Variants in FDPS observed in about 807,000 individuals in gnomAD.
The protein encoded by FDPS is farnesyl pyrophosphate synthase.
In FDPS, 29 loss-of-function variants were observed where a neutral mutation model predicts 49.5. The ratio of observed to expected loss-of-function variants is 0.59; its 90% confidence interval spans 0.44 to 0.80. The LOEUF (loss-of-function observed/expected upper bound fraction) is 0.80, where lower values mean the gene tolerates loss of function less well. Among genes scored for constraint, FDPS ranks in the 30% least tolerant of loss-of-function variants. FDPS has a pLI of 0.00. For synonymous variants in FDPS, 172 were observed against 206.4 expected (o/e 0.83, Z 1.43); for missense variants, 414 against 525.6 (o/e 0.79, Z 2.08).
chr1:155,313,378 G>T (rs961633311), intron 4 of FDPS, among the ~76,000 whole-genome samples: 1 of 152,222 alleles, frequency 6.6e-6, no homozygotes, highest in African/African-American at 2.4e-5. Flanking sequence ...TCTGGGAGGG[G>T]TGCCATGCCC....
chr1:155,315,912 G>GT (rs1649333441), intron 4 of FDPS, among the ~76,000 whole-genome samples: 1 of 149,816 alleles, frequency 6.7e-6, no homozygotes, highest in South Asian at 2.1e-4. Flanking sequence ...TCAAGCCTGG[G>GT]TGACAGAGTG....
In FDPS at chr1:155,320,617, A is replaced by G. The variant is rs570780142; in HGVS notation, c.*8A>G. ...TACAAGCGGAGAAAGTGACCTAGAGATTGCAAGGGCGGGGAGAGGAGGCTC... is the reference window on the plus strand; with the variant it reads ...TACAAGCGGAGAAAGTGACCTAGAGGTTGCAAGGGCGGGGAGAGGAGGCTC... On this transcript the variant is annotated 3_prime_UTR_variant, in exon 11 of 11. Transcript: ENST00000368356. 4 of 1,613,904 alleles carry G rather than the reference A, an allele frequency of 2.5e-6. No homozygotes were observed. In the African/African-American group the frequency reaches 4.0e-5, roughly 16 times the overall value.
At chr1:155,314,840 T>G (rs1649154755) in intron 4 of FDPS, among the ~76,000 whole-genome samples, 1 of 151,556 alleles carries the variant, frequency 6.6e-6, no homozygotes, top group Admixed American at 6.6e-5. Flanking sequence ...TAAGAATCAG[T>G]GCTAGGAGGC....
intron 4 of FDPS, among the ~76,000 whole-genome samples, chr1:155,314,503 C>T (rs143710921): frequency 4.5e-4 from 69 of 151,830 alleles, no homozygotes; most frequent in African/African-American, 1.5e-3. Flanking sequence ...GAGACAAAGC[C>T]TCATTCTGTT....
At chr1:155,311,234 G>A (rs1300038684) in intron 3 of FDPS, among the ~76,000 whole-genome samples, 2 of 152,180 alleles carry the variant, frequency 1.3e-5, no homozygotes, top group African/African-American at 2.4e-5. Context: ...AGCTACTCAG[G>A]AGGCTGAGGC....
chr1:155,314,601 A>G (rs962579110), intron 4 of FDPS, among the ~76,000 whole-genome samples: 3 of 151,804 alleles, frequency 2.0e-5, no homozygotes, highest in Non-Finnish European at 4.4e-5. Context: ...CAGCCTCCCA[A>G]GTAGCTGAGA....
Position 155,318,519 on chromosome 1 carries a change from G to A in FDPS, c.685-146G>A. On this transcript the variant is annotated intron_variant, in intron 6 of 10. Transcript: ENST00000368356. The surrounding 1 kb of genome is among the most constrained non-coding windows in gnomAD (Gnocchi z 4.2). Reference sequence around the variant, plus strand: ...ATAAAGGACTGTGTGTATGAATATGGGCCTTAAGTTTTGGGGCTTTCTCCC... The same window carrying A: ...ATAAAGGACTGTGTGTATGAATATGAGCCTTAAGTTTTGGGGCTTTCTCCC... The A allele has an allele frequency of 1.2e-6, 1 of 815,942 alleles. No homozygotes were observed. Among genetic ancestry groups the A allele is most frequent in the Non-Finnish European group, 2.0e-6 (1 of 491,756 alleles). 50.5% of individuals were successfully genotyped at this position (815,942 alleles called of 1,614,324 possible). A position where few individuals can be genotyped will look rare whatever the true frequency, so the allele number is the denominator to read the frequency against.
intron 3 of FDPS, among the ~76,000 whole-genome samples, chr1:155,311,575 G>C (rs1041842272): frequency 6.6e-6 from 1 of 152,160 alleles, no homozygotes; most frequent in Non-Finnish European, 1.5e-5. Flanking sequence ...TTGTGAAGGG[G>C]AAGTCTAGGA....
At chr1:155,319,041 G>A (rs1346503704) in intron 8 of FDPS, 113 bp downstream of exon 8, 1 of 777,784 alleles carries the variant, frequency 1.3e-6, no homozygotes, top group Admixed American at 2.1e-5. Flanking sequence ...GTGTGACCTT[G>A]AGCAAGTCGG....
At position 155,318,962 on chromosome 1, in the gene FDPS, T is replaced by C; in HGVS notation, c.846+34T>C. ...GCCTCCTCACCCCTCTCTGCTCTGC[T>C]GATGGGGGCTTTTGGACAGCAAGGC... On this transcript the variant is annotated intron_variant, in intron 8 of 10. Coordinates refer to ENST00000368356, the MANE Select transcript of FDPS (RefSeq NM_002004.4). The surrounding 1 kb of genome is among the most constrained non-coding windows in gnomAD (Gnocchi z 4.2). 6.7e-7 allele frequency: 1 copy of C among 1,501,214 alleles called. No homozygotes were observed. The allele number at this position is 1,501,214 out of a possible 1,614,324, so 93.0% of individuals were successfully genotyped here.
At chr1:155,313,235 TCTC>T (rs1164437204) in intron 4 of FDPS, among the ~76,000 whole-genome samples, 2 of 152,200 alleles carry the variant, frequency 1.3e-5, no homozygotes, top group East Asian at 3.9e-4. Flanking sequence ...CGGCATGTGT[TCTC>T]CTGTGTGCTT....
At chr1:155,310,252 C>G in intron 3 of FDPS, 47 bp downstream of exon 3, 1 of 1,592,094 alleles carries the variant, frequency 6.3e-7, no homozygotes, top group South Asian at 1.1e-5. Flanking sequence ...TTCAGTTGCT[C>G]TGTACCTGTG....
At position 155,319,832 on chromosome 1, in the gene FDPS, C is replaced by T. The variant is rs371872906; in HGVS notation, c.963C>T (p.Thr321=). The T allele has an allele frequency of 3.8e-4, 616 of 1,614,124 alleles. 2 individuals are homozygous for T. Among genetic ancestry groups the T allele is most frequent in the Admixed American group, 8.0e-4 (48 of 60,008 alleles). ...ACCTCTTTGGGGACCCCAGTGTGACCGGCAAAATTGGCACTGACATCCAGG... is the reference window on the plus strand; with the variant it reads ...ACCTCTTTGGGGACCCCAGTGTGACTGGCAAAATTGGCACTGACATCCAGG... ...YLDLFGDPSV[T]GKIGTDIQDN... is the part of the protein sequence containing the mutation. The change falls in exon 10 of 11, where the codon ACC becomes ACT. Residue 321 remains threonine (T), a synonymous_variant. Coordinates refer to ENST00000368356, the MANE Select transcript of FDPS (RefSeq NM_002004.4).
At chr1:155,313,222 A>G (rs1053756478) in intron 4 of FDPS, among the ~76,000 whole-genome samples, 1 of 152,228 alleles carries the variant, frequency 6.6e-6, no homozygotes, top group Non-Finnish European at 1.5e-5. Context: ...AACTTCTGCA[A>G]GACGGCATGT....
At chr1:155,313,105 CAAAG>C (rs1247028259) in intron 4 of FDPS, 1 of 151,426 alleles carries the variant, frequency 6.6e-6, no homozygotes, top group Non-Finnish European at 1.5e-5. Context: ...CTAAATTTAA[CAAAG>C]AGATTTCACA....
At chr1:155,314,864 G>A (rs1310244512) in intron 4 of FDPS, among the ~76,000 whole-genome samples, 1 of 151,942 alleles carries the variant, frequency 6.6e-6, no homozygotes, top group East Asian at 1.9e-4. Flanking sequence ...GGAAATTTGG[G>A]GAGGCCATGG....
chr1:155,313,868 G>A (rs560623433), intron 4 of FDPS, among the ~76,000 whole-genome samples: 1 of 152,162 alleles, frequency 6.6e-6, no homozygotes, highest in Non-Finnish European at 1.5e-5. Flanking sequence ...GCCCAGGCTG[G>A]AGTGCAGTGG....
At position 155,318,958 on chromosome 1, in the gene FDPS, C is replaced by T. The variant is rs1649847988; in HGVS notation, c.846+30C>T. On this transcript the variant is annotated intron_variant, in intron 8 of 10. Coordinates refer to ENST00000368356, the MANE Select transcript of FDPS (RefSeq NM_002004.4). This position sits in a 1 kb window ranked among gnomAD's most constrained non-coding sequence, Gnocchi z 4.2. Reference sequence around the variant, plus strand: ...GTGAGCCTCCTCACCCCTCTCTGCTCTGCTGATGGGGGCTTTTGGACAGCA... The same window carrying T: ...GTGAGCCTCCTCACCCCTCTCTGCTTTGCTGATGGGGGCTTTTGGACAGCA... The T allele has an allele frequency of 1.3e-6, 2 of 1,529,614 alleles. No homozygotes were observed. The highest frequency in any genetic ancestry group is 3.3e-5 in the Admixed American group (2 of 59,816). 94.8% of individuals were successfully genotyped at this position (1,529,614 alleles called of 1,614,324 possible).
Position 155,320,214 on chromosome 1 carries a change from C to T in FDPS, c.1060-195C>T, listed in dbSNP as rs563023713. 6 of 650,738 alleles carry T rather than the reference C, an allele frequency of 9.2e-6. No homozygotes were observed. In the East Asian group the frequency reaches 1.4e-4, roughly 15 times the overall value. The allele number at this position is 650,738 out of a possible 1,614,324, so 40.3% of individuals were successfully genotyped here. ...GGAGAAACCCTGGAGTAGAGGATGC[C>T]TGGTATGAGGCAATATTTGGGATAG... On this transcript the variant is annotated intron_variant, in intron 10 of 10. Transcript: ENST00000368356.
Sources: gnomAD v4.1 joint callset for allele counts (sites outside exome capture counted in the v4.1 genomes callset) on GRCh38, gnomAD v4.1.1 for gene constraint, Gnocchi (gnomAD v3.1) non-coding constraint, MANE v1.5 for transcripts, NCBI Gene and HGNC (gene_info 2026-07-23, HGNC 2026-07-21) for gene names.